Variants in GUCY1A2 observed in about 807,000 individuals in gnomAD.
GUCY1A2 encodes the protein guanylate cyclase 1 soluble subunit alpha 2, also known as guanylate cyclase soluble subunit alpha-2.
GUCY1A2 carries 27 observed loss-of-function variants against 63.5 expected under a neutral mutation model. The observed-to-expected ratio is 0.43, with a 90% CI of 0.31 to 0.59. GUCY1A2 has a LOEUF of 0.59. Ranked by LOEUF, GUCY1A2 falls within the 20% of genes least tolerant of loss-of-function variation. The pLI, the probability that GUCY1A2 is intolerant of heterozygous loss-of-function variation, is 0.11. For synonymous variants in GUCY1A2, 364 were observed against 343.5 expected (o/e 1.06, Z -0.66); for missense variants, 768 against 913.3 (o/e 0.84, Z 2.05).
At chr11:106,803,324 A>G (rs1858636568) in intron 5 of GUCY1A2, among the ~76,000 whole-genome samples, 1 of 152,190 alleles carries the variant, frequency 6.6e-6, no homozygotes, top group African/African-American at 2.4e-5. Flanking sequence ...TTGAGGCCCC[A>G]TGAAGATGAC....
chr11:106,861,172 T>C (rs1859506598), intron 4 of GUCY1A2, among the ~76,000 whole-genome samples: 1 of 152,046 alleles, frequency 6.6e-6, no homozygotes, highest in African/African-American at 2.4e-5. Context: ...TGCAAAGATG[T>C]CTCCAAGGTT....
At chr11:106,913,712 C>G (rs936062458) in intron 4 of GUCY1A2, among the ~76,000 whole-genome samples, 1 of 152,006 alleles carries the variant, frequency 6.6e-6, no homozygotes, top group African/African-American at 2.4e-5. Context: ...AGATGTAGAC[C>G]TAATGTGCTA....
chr11:106,998,527 A>T (rs1861570309), intron 1 of GUCY1A2, among the ~76,000 whole-genome samples: 1 of 152,232 alleles, frequency 6.6e-6, no homozygotes, highest in Admixed American at 6.5e-5. Flanking sequence ...GCTTGAAAAG[A>T]AGGTACTGAT....
chr11:106,911,062 A>G (rs1445312974), intron 4 of GUCY1A2, among the ~76,000 whole-genome samples: 1 of 152,060 alleles, frequency 6.6e-6, no homozygotes, highest in African/African-American at 2.4e-5. Flanking sequence ...TATTAAAGGA[A>G]GAAAGAGAGG....
chr11:106,950,607 C>A (rs965404546), intron 3 of GUCY1A2, among the ~76,000 whole-genome samples: 13 of 152,142 alleles, frequency 8.5e-5, no homozygotes, highest in African/African-American at 3.1e-4. Flanking sequence ...GAGGGGATTA[C>A]TGTGACGTAC....
At chr11:106,746,245 A>C (rs1447254418) in intron 6 of GUCY1A2, among the ~76,000 whole-genome samples, 1 of 152,078 alleles carries the variant, frequency 6.6e-6, no homozygotes. Context: ...TGGTTCTGCC[A>C]TATATTACCA....
intron 4 of GUCY1A2, among the ~76,000 whole-genome samples, chr11:106,859,285 C>T (rs1859476839): frequency 1.4e-5 from 2 of 142,906 alleles, no homozygotes; most frequent in Admixed American, 1.4e-4. Flanking sequence ...TTTGTATGAA[C>T]ATTTGAACTT....
intron 6 of GUCY1A2, among the ~76,000 whole-genome samples, chr11:106,751,106 T>A (rs963401322): frequency 6.6e-6 from 1 of 152,108 alleles, no homozygotes; most frequent in Non-Finnish European, 1.5e-5. Flanking sequence ...GTAAAATGTA[T>A]GACTAGCCCA....
At chr11:106,808,218 A>G (rs556384844) in intron 5 of GUCY1A2, among the ~76,000 whole-genome samples, 5 of 147,716 alleles carry the variant, frequency 3.4e-5, no homozygotes, top group Admixed American at 1.4e-4. Flanking sequence ...AAATTTCCTA[A>G]ACAAGTTTAG....
chr11:106,738,281 C>A (rs1172810368), intron 6 of GUCY1A2, among the ~76,000 whole-genome samples: 1 of 152,162 alleles, frequency 6.6e-6, no homozygotes, highest in Admixed American at 6.5e-5. Context: ...TTTGTAGAAT[C>A]TGGGTATTAG....
At chr11:106,777,937 G>C (rs1445979781) in intron 5 of GUCY1A2, among the ~76,000 whole-genome samples, 2 of 151,924 alleles carry the variant, frequency 1.3e-5, no homozygotes, top group Non-Finnish European at 2.9e-5. Flanking sequence ...CTACCGTAGG[G>C]GTCTTTCCAG....
intron 1 of GUCY1A2, among the ~76,000 whole-genome samples, chr11:107,015,251 C>G (rs12270156): frequency 0.056 from 8,453 of 152,094 alleles, 702 homozygotes; most frequent in African/African-American, 0.19. Context: ...TAATAGAAAA[C>G]AACTATGGCA....
chr11:106,714,091 C>T (rs1863175281), intron 6 of GUCY1A2, among the ~76,000 whole-genome samples: 1 of 151,110 alleles, frequency 6.6e-6, no homozygotes, highest in African/African-American at 2.4e-5. Context: ...TCTATTTCTG[C>T]CTCCTTTCAA....
chr11:106,944,036 A>G (rs1157917696), intron 3 of GUCY1A2, among the ~76,000 whole-genome samples: 1 of 151,344 alleles, frequency 6.6e-6, no homozygotes, highest in Non-Finnish European at 1.5e-5. Flanking sequence ...GTGAAACCCC[A>G]TATCTAGAAA....
intron 6 of GUCY1A2, among the ~76,000 whole-genome samples, chr11:106,718,701 A>C (rs897296101): frequency 2.0e-5 from 3 of 152,154 alleles, no homozygotes; most frequent in Admixed American, 1.3e-4. Flanking sequence ...ATATGCATGT[A>C]CTTAGAAATA....
At chr11:106,897,452 A>G (rs1198129986) in intron 4 of GUCY1A2, among the ~76,000 whole-genome samples, 3 of 152,128 alleles carry the variant, frequency 2.0e-5, no homozygotes, top group Non-Finnish European at 4.4e-5. Context: ...AAGACTTATT[A>G]TAGAACCACA....
At chr11:106,843,390 T>C in intron 4 of GUCY1A2, among the ~76,000 whole-genome samples, 1 of 151,754 alleles carries the variant, frequency 6.6e-6, no homozygotes, top group East Asian at 1.9e-4. Flanking sequence ...CTACCACCTG[T>C]TTCCCAAAAT....
chr11:106,959,358 G>C (rs1393766914), intron 3 of GUCY1A2, among the ~76,000 whole-genome samples: 1 of 152,104 alleles, frequency 6.6e-6, no homozygotes, highest in South Asian at 2.1e-4. Context: ...CTTTTCTTTT[G>C]TAACAGAGCC....
chr11:106,987,171 T>C (rs1406753476), intron 1 of GUCY1A2, among the ~76,000 whole-genome samples: 1 of 152,172 alleles, frequency 6.6e-6, no homozygotes, highest in Admixed American at 6.5e-5. Context: ...AAGGATGAAT[T>C]CTTGGGGAAT....
Sources: allele counts gnomAD v4.1 joint callset (sites outside exome capture counted in the v4.1 genomes callset), GRCh38; gene constraint gnomAD v4.1.1; transcripts MANE v1.5; gene names NCBI Gene and HGNC (gene_info 2026-07-23, HGNC 2026-07-21).